NFIB: variants seen among roughly 807,000 people sequenced by gnomAD.
The protein encoded by NFIB is nuclear factor 1 B-type.
A neutral mutation model predicts 61.5 loss-of-function variants in NFIB; 11 were observed. The ratio of observed to expected loss-of-function variants is 0.18; its 90% CI spans 0.11 to 0.30. NFIB has a LOEUF of 0.30. Ranked by LOEUF, NFIB falls within the 10% of genes least tolerant of loss-of-function variation. The pLI is 1.00. For synonymous variants in NFIB, 260 were observed against 216.5 expected, an observed-to-expected ratio of 1.20 and a Z score of -1.76; for missense variants, 471 against 608.9, an observed-to-expected ratio of 0.77 and a Z score of 2.38.
chr9:14,133,430 GATA>G (rs1407677621), intron 6 of NFIB, among the ~76,000 whole-genome samples: 1 of 152,160 alleles, frequency 6.6e-6, no homozygotes, highest in Non-Finnish European at 1.5e-5. Flanking sequence ...ATCTGTATAA[GATA>G]ATAATGTTAT....
chr9:14,299,168 ACT>A (rs967501460), intron 2 of NFIB, among the ~76,000 whole-genome samples: 3 of 152,132 alleles, frequency 2.0e-5, no homozygotes, highest in African/African-American at 7.2e-5. Flanking sequence ...ACTTCAAATA[ACT>A]TTTTCCTAAT....
chr9:14,465,608 C>CAT, the NFIB span, among the ~76,000 whole-genome samples: 4 of 151,116 alleles, frequency 2.6e-5, no homozygotes, highest in African/African-American at 9.8e-5. Flanking sequence ...CACACACACA[C>CAT]GCCCTACCCC....
the NFIB span, among the ~76,000 whole-genome samples, chr9:14,523,889 A>G: frequency 6.6e-6 from 1 of 152,146 alleles, no homozygotes. Context: ...TCTTACTCTT[A>G]CCTTCAGTTT....
At chr9:14,291,270 A>C (rs1052644980) in intron 2 of NFIB, among the ~76,000 whole-genome samples, 1 of 152,092 alleles carries the variant, frequency 6.6e-6, no homozygotes, top group African/African-American at 2.4e-5. Flanking sequence ...GGATCACTCG[A>C]GGTCAGGTGT....
At chr9:14,239,237 T>C (rs1171542557) in intron 2 of NFIB, among the ~76,000 whole-genome samples, 1 of 152,214 alleles carries the variant, frequency 6.6e-6, no homozygotes, top group African/African-American at 2.4e-5. Context: ...TGAAAACTGT[T>C]TTCACACAAT....
chr9:14,314,331 G>T, upstream of NFIB: 1 of 177,376 alleles, frequency 5.6e-6, no homozygotes, highest in Non-Finnish European at 1.1e-5. Context: ...CCGGCCGCCC[G>T]CCCGCCCGCC....
At chr9:14,473,651 CTG>C in the NFIB span, among the ~76,000 whole-genome samples, 1 of 152,182 alleles carries the variant, frequency 6.6e-6, no homozygotes, top group East Asian at 1.9e-4. Flanking sequence ...GCATCCCACT[CTG>C]TGCTGATAAT....
intron 1 of NFIB, among the ~76,000 whole-genome samples, chr9:14,397,890 G>A (rs1024237000): frequency 1.3e-4 from 20 of 152,154 alleles, no homozygotes; most frequent in African/African-American, 3.4e-4. Context: ...TGACACATAC[G>A]GAGGAGATGG....
the NFIB span, among the ~76,000 whole-genome samples, chr9:14,407,047 T>A: frequency 6.6e-6 from 1 of 152,198 alleles, no homozygotes; most frequent in East Asian, 1.9e-4. Flanking sequence ...CCAAGCCTCA[T>A]TCTGTGGCCC....
At chr9:14,280,227 C>T (rs941816079) in intron 2 of NFIB, among the ~76,000 whole-genome samples, 1 of 152,108 alleles carries the variant, frequency 6.6e-6, no homozygotes, top group Non-Finnish European at 1.5e-5. Flanking sequence ...AAGGCTGATT[C>T]CACCACTTGC....
At chr9:14,256,110 G>A (rs552938722) in intron 2 of NFIB, among the ~76,000 whole-genome samples, 15 of 152,256 alleles carry the variant, frequency 9.9e-5, no homozygotes, top group East Asian at 5.8e-4. Flanking sequence ...TGCAGCTTCT[G>A]TTTTACCAAA....
chr9:14,217,628 C>G (rs913226327), intron 2 of NFIB, among the ~76,000 whole-genome samples: 1 of 121,606 alleles, frequency 8.2e-6, no homozygotes, highest in Non-Finnish European at 1.6e-5. Flanking sequence ...ACATTGCATG[C>G]CAGCCTGGGC....
At chr9:14,162,366 A>T (rs1287214477) in intron 3 of NFIB, among the ~76,000 whole-genome samples, 2 of 152,076 alleles carry the variant, frequency 1.3e-5, no homozygotes, top group Admixed American at 1.3e-4. Flanking sequence ...TGGCATTAGT[A>T]GAGATTCTCC....
intron 1 of NFIB, among the ~76,000 whole-genome samples, chr9:14,347,579 A>T (rs2061042719): frequency 9.5e-6 from 1 of 104,764 alleles, no homozygotes; most frequent in East Asian, 2.3e-4. Context: ...GCTGGGTGCG[A>T]TTGGGAGAGG....
At chr9:14,090,870 T>C (rs2033795265) in intron 10 of NFIB, among the ~76,000 whole-genome samples, 1 of 152,002 alleles carries the variant, frequency 6.6e-6, no homozygotes, top group South Asian at 2.1e-4. Flanking sequence ...TACCAACTAA[T>C]GGCAGAAAAC....
At chr9:14,308,067 C>T (rs990427811) in intron 1 of NFIB, 2 of 152,252 alleles carry the variant, frequency 1.3e-5, no homozygotes, top group South Asian at 2.1e-4. Flanking sequence ...ACACAGTTCC[C>T]GCTTTTGGAG....
the NFIB span, among the ~76,000 whole-genome samples, chr9:14,522,255 C>T: frequency 6.6e-6 from 1 of 152,134 alleles, no homozygotes; most frequent in Non-Finnish European, 1.5e-5. Flanking sequence ...TTTTTTCCCA[C>T]TAAAAACTAA....
intron 6 of NFIB, among the ~76,000 whole-genome samples, chr9:14,137,297 G>T (rs895782134): frequency 3.3e-5 from 5 of 152,196 alleles, no homozygotes; most frequent in Non-Finnish European, 7.3e-5. Flanking sequence ...ACATGCATTT[G>T]TGAGAACTGC....
chr9:14,517,002 T>G, the NFIB span, among the ~76,000 whole-genome samples: 1 of 152,176 alleles, frequency 6.6e-6, no homozygotes, highest in African/African-American at 2.4e-5. Context: ...TTTTGTTTCT[T>G]AATGAACAAC....
Sources: allele counts gnomAD v4.1 joint callset (sites outside exome capture counted in the v4.1 genomes callset), GRCh38; gene constraint gnomAD v4.1.1; transcripts MANE v1.5; gene names NCBI Gene and HGNC (gene_info 2026-07-23, HGNC 2026-07-21).